Variants in AP5B1 observed in about 807,000 individuals in gnomAD.
AP5B1 encodes AP-5 complex subunit beta-1.
AP5B1 carries 3 observed loss-of-function variants against 5.7 expected under a neutral mutation model. That is an observed-to-expected ratio of 0.53 (90% CI 0.24 to 1.36). The LOEUF (loss-of-function observed/expected upper bound fraction) is 1.36. AP5B1 is among the 40% of genes most tolerant of loss of function. AP5B1 has a pLI of 0.17. For missense variants in AP5B1, 1,310 were observed against 1,143.2 expected (o/e 1.15, Z -2.10); for synonymous variants, 696 against 555.5 (o/e 1.25, Z -3.56).
At position 65,773,958 on chromosome 11, in the gene AP5B1, G is replaced by C. The variant is rs367960678; in HGVS notation, c.*3898C>G. ...CAGGGGAGGCGGGGCATGAAGGTGG[G>C]CTCTACATGACTTAACCCTTGCTTG... On this transcript the variant is annotated 3_prime_UTR_variant, in exon 2 of 2. Coordinates refer to ENST00000532090, the MANE Select transcript of AP5B1 (RefSeq NM_138368.5). Among the ~76,000 whole-genome samples, 4 of 152,270 alleles carry C rather than the reference G, an allele frequency of 2.6e-5. No homozygotes were observed. Among genetic ancestry groups the C allele is most frequent in the African/African-American group, 9.6e-5 (4 of 41,548 alleles).
At position 65,778,926 on chromosome 11, in the gene AP5B1, A is replaced by C. The variant is rs771881918; in HGVS notation, c.1567T>G (p.Leu523Val). ...SELREPLKVVLRQVVVSRPGR... is the reference protein window; with the variant it reads ...SELREPLKVVVRQVVVSRPGR... ...GGCCTGGACACCACCACCTGCCGCA[A>C]CACCACCTTCAGGGGCTCCCTCAGC... Residue 523 changes from leucine to valine, a missense_variant, in exon 2 of 2, where the codon TTG becomes GTG. By Grantham distance (32) the Leu-to-Val change is conservative. Coordinates refer to ENST00000532090, the MANE Select transcript of AP5B1 (RefSeq NM_138368.5). 6.2e-7 allele frequency: 1 copy of C among 1,612,904 alleles called. No homozygotes were observed. The highest frequency in any genetic ancestry group is 8.5e-7 in the Non-Finnish European group (1 of 1,179,754).
At position 65,779,067 on chromosome 11, in the gene AP5B1, G is replaced by C; in HGVS notation, c.1426C>G (p.Leu476Val). The change falls in exon 2 of 2, where the codon CTG becomes GTG. Residue 476 changes from leucine to valine, a missense_variant. Physicochemically the swap from Leu to Val is conservative, Grantham distance 32. Transcript: ENST00000532090. Reference protein sequence around the residue: ...FQASYLVACCLAGQPTVLTPL... With the variant: ...FQASYLVACCVAGQPTVLTPL... ...GTCAGCACCGTAGGTTGCCCAGCCA[G>C]GCAGCAGGCCACCAGATACGAGGCC... The C allele has an allele frequency of 3.7e-6, 6 of 1,607,912 alleles. No individual in the cohort carries two copies. Among genetic ancestry groups the C allele is most frequent in the Non-Finnish European group, 5.1e-6 (6 of 1,177,430 alleles).
In AP5B1 at chr11:65,776,533, A is replaced by G. The variant is rs1857767315; in HGVS notation, c.*1323T>C. On this transcript the variant is annotated 3_prime_UTR_variant, in exon 2 of 2. Coordinates refer to ENST00000532090, the MANE Select transcript of AP5B1 (RefSeq NM_138368.5). ...TGCCTGGCAGCACAGCTGACCCCAC[A>G]CAGCTCAATCCTCAGTGTTTGCATG... 2 of 152,198 alleles carry G rather than the reference A, an allele frequency of 1.3e-5. No homozygotes were observed. Among genetic ancestry groups the G allele is most frequent in the South Asian group, 2.1e-4 (1 of 4,834 alleles). The allele number at this position is 152,198 out of a possible 1,614,324, so 9.4% of individuals were successfully genotyped here.
Position 65,780,098 on chromosome 11 carries a change from T to C in AP5B1, c.395A>G (p.Asp132Gly), listed in dbSNP as rs989443673. 10 of 1,521,838 alleles carry C rather than the reference T, an allele frequency of 6.6e-6. No homozygotes were observed. The highest frequency in any genetic ancestry group is 2.2e-4 in the Middle Eastern group (1 of 4,644). The allele number at this position is 1,521,838 out of a possible 1,614,324, so 94.3% of individuals were successfully genotyped here. Residue 132 changes from aspartate (D) to glycine (G), a missense_variant, in exon 2 of 2, where the codon GAT becomes GGT. Transcript: ENST00000532090. ...GGCGGGGACAAAGCCTCGCCCCAGA[T>C]CGCTACCCGCGGCCAGGCCGAGCAG... Reference protein sequence around the residue: ...PLLLGLAAGSDLGRGFVPASE... With the variant: ...PLLLGLAAGSGLGRGFVPASE...
Position 65,775,361 on chromosome 11 carries a change from A to G in AP5B1, c.*2495T>C, listed in dbSNP as rs1857751794. 6.6e-6 allele frequency among the ~76,000 whole-genome samples: 1 copy of G among 152,250 alleles called. No homozygotes were observed. Among genetic ancestry groups the G allele is most frequent in the Non-Finnish European group, 1.5e-5 (1 of 68,048 alleles). On this transcript the variant is annotated 3_prime_UTR_variant, in exon 2 of 2. Coordinates refer to ENST00000532090, the MANE Select transcript of AP5B1 (RefSeq NM_138368.5). ...GGCTAAGGATTAGCATCTCCAGGCA[A>G]AAAGAAAACGTTTCTGGATTCCCTT...
rs987110506 is a variant in AP5B1, at chr11:65,776,571, A to C, written c.*1285T>G. On this transcript the variant is annotated 3_prime_UTR_variant, in exon 2 of 2. Coordinates refer to ENST00000532090, the MANE Select transcript of AP5B1 (RefSeq NM_138368.5). The stretch of plus-strand genomic sequence containing the variant: ...CAGTGTTTGCATGTTTGGGAAAAAA[A>C]AACAACAACTAGAGGAACTAGTTCT... 4 of 152,222 alleles carry C rather than the reference A, an allele frequency of 2.6e-5. No individual in the cohort carries two copies. Among genetic ancestry groups the C allele is most frequent in the East Asian group, 1.9e-4 (1 of 5,194 alleles). 9.4% of individuals were successfully genotyped at this position (152,222 alleles called of 1,614,324 possible). A position where few individuals can be genotyped will look rare whatever the true frequency, so the allele number is the denominator to read the frequency against.
In AP5B1 at chr11:65,777,898, G is replaced by C; in HGVS notation, c.2595C>G (p.Pro865=). 2 of 1,549,654 alleles carry C rather than the reference G, an allele frequency of 1.3e-6. No individual in the cohort carries two copies. The highest frequency in any genetic ancestry group is 1.7e-6 in the Non-Finnish European group (2 of 1,146,482). The part of the protein sequence containing the change: ...ALRTDDWAVL[P]LAGDYLRGLA... ...GCCCACGGAGGTAGTCCCCCGCCAG[G>C]GGCAGCACGGCCCAGTCATCGGTCC... The change falls in exon 2 of 2, where the codon CCC becomes CCG. Residue 865 remains proline (P), a synonymous_variant. Coordinates refer to ENST00000532090, the MANE Select transcript of AP5B1 (RefSeq NM_138368.5).
In AP5B1 at chr11:65,778,544, C is replaced by A; in HGVS notation, c.1949G>T (p.Gly650Val). Residue 650 changes from glycine (G) to valine (V), a missense_variant, in exon 2 of 2, where the codon GGC (glycine) becomes GTC (valine). Gly to Val is a moderately radical substitution (Grantham distance 109). Coordinates refer to ENST00000532090, the MANE Select transcript of AP5B1 (RefSeq NM_138368.5). Reference sequence around the variant, plus strand: ...CTGCACCATCAGTGCTGCCACAAAGCCCTGGTTCTCGGCCACCAGTGAAGA... The same window carrying A: ...CTGCACCATCAGTGCTGCCACAAAGACCTGGTTCTCGGCCACCAGTGAAGA... ...LASSLVAENQ[G>V]FVAALMVQEA... 1 of 1,579,660 alleles carries A rather than the reference C, an allele frequency of 6.3e-7. No individual in the cohort carries two copies. Among genetic ancestry groups the A allele is most frequent in the Non-Finnish European group, 8.6e-7 (1 of 1,165,384 alleles).
rs774706716 is a variant in AP5B1 at position 65,778,790 on chromosome 11, G to A, written c.1703C>T (p.Thr568Met). 111 of 1,611,272 alleles carry A rather than the reference G, an allele frequency of 6.9e-5. No individual in the cohort carries two copies. The highest frequency in any genetic ancestry group is 5.0e-4 in the South Asian group (45 of 90,850). ...NFLQAAAAHC[T>M]NWDLQQGLLR... ...CAGGCCCTGCTGTAGGTCCCAGTTC[G>A]TGCAGTGGGCAGCCGCGGCCTGTAG... Residue 568 changes from threonine to methionine, a missense_variant, in exon 2 of 2, where the codon ACG becomes ATG. Transcript: ENST00000532090.
chr11:65,778,865 A>G lies in AP5B1; in HGVS notation c.1628T>C (p.Met543Thr), dbSNP rs1379704441. The G allele has an allele frequency of 6.2e-7, 1 of 1,609,586 alleles. No homozygotes were observed. Among genetic ancestry groups the G allele is most frequent in the African/African-American group, 1.3e-5 (1 of 74,872 alleles). The change falls in exon 2 of 2, where the codon ATG (methionine) becomes ACG (threonine). Residue 543 changes from methionine to threonine, a missense_variant. Coordinates refer to ENST00000532090, the MANE Select transcript of AP5B1 (RefSeq NM_138368.5). The stretch of plus-strand genomic sequence containing the variant: ...ATCTCCATCTGCCACCTTTGCCAGC[A>G]TTTGCAGGTGCCAGCAAAGAGCTTC... ...RDEALCWHLQ[M>T]LAKVADGDAQ...
Position 65,778,692 on chromosome 11 carries a change from T to C in AP5B1, c.1801A>G (p.Arg601Gly). 1 of 1,577,280 alleles carries C rather than the reference T, an allele frequency of 6.3e-7. No homozygotes were observed. The highest frequency in any genetic ancestry group is 8.6e-7 in the Non-Finnish European group (1 of 1,165,138). ...GLVDLLQVLA[R>G]QLEDPDGRDH... Reference sequence around the variant, plus strand: ...CGCCCATCAGGGTCCTCCAGCTGCCTGGCCAGCACCTGCAGCAAGTCGACC... The same window carrying C: ...CGCCCATCAGGGTCCTCCAGCTGCCCGGCCAGCACCTGCAGCAAGTCGACC... Residue 601 changes from arginine (R) to glycine (G), a missense_variant, in exon 2 of 2, where the codon AGG becomes GGG. Physicochemically the swap from Arg to Gly is moderately radical, Grantham distance 125 (BLOSUM62 -2). Coordinates refer to ENST00000532090, the MANE Select transcript of AP5B1 (RefSeq NM_138368.5).
At position 65,777,772 on chromosome 11, in the gene AP5B1, G is replaced by A; in HGVS notation, c.*84C>T. 3 of 1,401,582 alleles carry A rather than the reference G, an allele frequency of 2.1e-6. No homozygotes were observed. Among genetic ancestry groups the A allele is most frequent in the Non-Finnish European group, 2.8e-6 (3 of 1,064,350 alleles). 86.8% of individuals were successfully genotyped at this position (1,401,582 alleles called of 1,614,324 possible). ...CAAGCCAGCGAGGGCACTGCGGAAT[G>A]CAGGGTTTTGGCGACAGAGCTACAG... On this transcript the variant is annotated 3_prime_UTR_variant, in exon 2 of 2. Coordinates refer to ENST00000532090, the MANE Select transcript of AP5B1 (RefSeq NM_138368.5).
At position 65,780,308 on chromosome 11, in the gene AP5B1, GCAGGGTACTCCATGCT is replaced by G; in HGVS notation, c.169_184del (p.Ser57ArgfsTer96). Reference sequence around the variant, plus strand: ...CGCAGAGGCGTCGGGCCACAGCTGCGCAGGGTACTCCATGCTCAGGGCCAGCAGGGAAACCTGGATG... The same window carrying G: ...CGCAGAGGCGTCGGGCCACAGCTGCGCAGGGCCAGCAGGGAAACCTGGATG... On this transcript the variant is annotated frameshift_variant, in exon 2 of 2. Transcript: ENST00000532090. LOFTEE classifies it low-confidence loss of function (END_TRUNC). The G allele has an allele frequency of 6.7e-7, 1 of 1,495,182 alleles. No individual in the cohort carries two copies. The highest frequency in any genetic ancestry group is 8.9e-7 in the Non-Finnish European group (1 of 1,126,792). The allele number at this position is 1,495,182 out of a possible 1,614,324, so 92.6% of individuals were successfully genotyped here.
chr11:65,779,663 G>A lies in AP5B1; in HGVS notation c.830C>T (p.Thr277Ile), dbSNP rs934198819. The change falls in exon 2 of 2, where the codon ACC becomes ATC. Residue 277 changes from threonine (T) to isoleucine (I), a missense_variant. Physicochemically the swap from Thr to Ile is moderately conservative, Grantham distance 89. Transcript: ENST00000532090. ...GGCCACAGGAGTGAGCAGATAGGAG[G>A]TGTCCAGAAGCTGGATCACCGCAGC... ...LRAAVIQLLD[T>I]SYLLTPVAQA... The A allele has an allele frequency of 6.2e-7, 1 of 1,612,212 alleles. No homozygotes were observed. Among genetic ancestry groups the A allele is most frequent in the Non-Finnish European group, 8.5e-7 (1 of 1,179,678 alleles).
rs750454998 is a variant in AP5B1 at position 65,780,327 on chromosome 11, G to A, written c.166C>T (p.Leu56=). The change falls in exon 2 of 2, where the codon CTG becomes TTG. Residue 56 remains leucine (L), a synonymous_variant. Transcript: ENST00000532090. ...SEQTKVSLLA[L]SMEYPAQLWP... ...AGCTGCGCAGGGTACTCCATGCTCA[G>A]GGCCAGCAGGGAAACCTGGATGGGG... 5 of 1,474,686 alleles carry A rather than the reference G, an allele frequency of 3.4e-6. No homozygotes were observed. The South Asian group carries it at 5.6e-5, about 16-fold the overall frequency. 91.4% of individuals were successfully genotyped at this position (1,474,686 alleles called of 1,614,324 possible).
rs1403529192 is a variant in AP5B1, at chr11:65,780,486, G to A, written c.106C>T (p.Leu36=). The change falls in exon 1 of 2, where the codon CTG becomes TTG. Residue 36 remains leucine (L), a synonymous_variant. Coordinates refer to ENST00000532090, the MANE Select transcript of AP5B1 (RefSeq NM_138368.5). ...TTCTCACTTCTCAGGTCGCTCAGCA[G>A]GTCGCGACCCAAATCCTCCCCCTCG... ...GPEGEDLGRD[L]LSDLRSEKLS... 7.2e-6 allele frequency: 11 copies of A among 1,520,190 alleles called. No individual in the cohort carries two copies. Among genetic ancestry groups the A allele is most frequent in the Non-Finnish European group, 9.6e-6 (11 of 1,140,712 alleles). 94.2% of individuals were successfully genotyped at this position (1,520,190 alleles called of 1,614,324 possible).
In AP5B1 at chr11:65,778,480, A is replaced by G. The variant is rs2135688482; in HGVS notation, c.2013T>C (p.His671=). 2 of 1,573,372 alleles carry G rather than the reference A, an allele frequency of 1.3e-6. No individual in the cohort carries two copies. Among genetic ancestry groups the G allele is most frequent in the East Asian group, 4.6e-5 (2 of 43,024 alleles). Residue 671 remains histidine, a synonymous_variant, in exon 2 of 2, where the codon CAT becomes CAC. Coordinates refer to ENST00000532090, the MANE Select transcript of AP5B1 (RefSeq NM_138368.5). ...ACACTGGGAGTGGGCCCTTGACCCG[A>G]TGGGACCCCAGGCTCAGCCGTACCA... ...PALVRLSLGS[H]RVKGPLPVLK...
Position 65,779,882 on chromosome 11 carries a change from C to A in AP5B1, c.611G>T (p.Gly204Val). Residue 204 changes from glycine (G) to valine (V), a missense_variant, in exon 2 of 2, where the codon GGG (glycine) becomes GTG (valine). Gly to Val is a moderately radical substitution (Grantham distance 109). Coordinates refer to ENST00000532090, the MANE Select transcript of AP5B1 (RefSeq NM_138368.5). ...RNTLVLQSRV[G>V]AGLGGLLTDK... ...CGTGAGCAGTCCCCCCAGGCCAGCC[C>A]CAACCCGGGACTGGAGCACCAAGGT... 9 of 1,594,778 alleles carry A rather than the reference C, an allele frequency of 5.6e-6. No homozygotes were observed. Among genetic ancestry groups the A allele is most frequent in the Non-Finnish European group, 7.7e-6 (9 of 1,170,400 alleles).
rs1461939019 is a variant in AP5B1, at chr11:65,779,388, G to A, written c.1105C>T (p.Leu369Phe). 6.2e-7 allele frequency: 1 copy of A among 1,602,838 alleles called. No individual in the cohort carries two copies. Among genetic ancestry groups the A allele is most frequent in the South Asian group, 1.1e-5 (1 of 89,718 alleles). Reference protein sequence around the residue: ...ALPPPTHLFYLHCVLSFPENW... With the variant: ...ALPPPTHLFYFHCVLSFPENW... ...TCAGGGAAGCTCAGGACGCAGTGAA[G>A]GTAAAAGAGATGGGTGGGCGGAGGC... is the stretch of plus-strand genomic sequence containing the variant. The change falls in exon 2 of 2, where the codon CTT (leucine) becomes TTT (phenylalanine). Residue 369 changes from leucine (L) to phenylalanine (F), a missense_variant. Physicochemically the swap from Leu to Phe is conservative, Grantham distance 22 (BLOSUM62 0). Transcript: ENST00000532090.
Sources: gnomAD v4.1 joint callset for allele counts (sites outside exome capture counted in the v4.1 genomes callset) on GRCh38, gnomAD v4.1.1 for gene constraint, MANE v1.5 for transcripts, NCBI Gene and HGNC (gene_info 2026-07-23, HGNC 2026-07-21) for gene names.